CCDC85A: variants seen among roughly 807,000 people sequenced by gnomAD.
The protein encoded by CCDC85A is coiled-coil domain containing 85A.
Under a neutral mutation model 50.2 loss-of-function variants are expected in CCDC85A, and 38 were observed. The ratio of observed to expected loss-of-function variants is 0.76; its 90% CI spans 0.58 to 0.99. The LOEUF (loss-of-function observed/expected upper bound fraction) is 0.99, where lower values mean the gene tolerates loss of function less well. CCDC85A is among the 50% of genes least tolerant of loss of function. The probability of loss-of-function intolerance (pLI) is 0.00; values close to 1 mark genes in which losing one functional copy is unlikely to be tolerated. For synonymous variants in CCDC85A, 366 were observed against 301.4 expected (o/e 1.21, Z -2.22); for missense variants, 820 against 742.0 (o/e 1.11, Z -1.22).
rs1676808770 is a variant in CCDC85A at position 56,386,150 on chromosome 2, T to A, written c.*1795T>A. 1 of 152,278 alleles carries A rather than the reference T, an allele frequency of 6.6e-6. No individual in the cohort carries two copies. 9.4% of individuals were successfully genotyped at this position (152,278 alleles called of 1,614,324 possible). Reference sequence around the variant, plus strand: ...TAAGTATATGTGTTCATCTTAGCAATGGTAATAAATTATTTAATCTCACAG... The same window carrying A: ...TAAGTATATGTGTTCATCTTAGCAAAGGTAATAAATTATTTAATCTCACAG... On this transcript the variant is annotated 3_prime_UTR_variant, in exon 6 of 6. Coordinates refer to ENST00000407595, the MANE Select transcript of CCDC85A (RefSeq NM_001080433.2).
chr2:56,244,199 G>A (rs13429808), intron 2 of CCDC85A, among the ~76,000 whole-genome samples: 33,016 of 151,920 alleles, frequency 0.22, 3,678 homozygotes, highest in East Asian at 0.28. Context: ...AGAGATGTCT[G>A]GGAGTCAGGG....
At chr2:56,297,215 G>A (rs1671991480) in intron 2 of CCDC85A, among the ~76,000 whole-genome samples, 1 of 152,028 alleles carries the variant, frequency 6.6e-6, no homozygotes, top group Non-Finnish European at 1.5e-5. Context: ...AAATGAGAGG[G>A]AAGCCAAGAG....
At chr2:56,186,306 G>T (rs1024294626) in intron 1 of CCDC85A, among the ~76,000 whole-genome samples, 2 of 152,164 alleles carry the variant, frequency 1.3e-5, no homozygotes, top group African/African-American at 4.8e-5. Context: ...CTCAGAGGTG[G>T]GTTTGAATTC....
In CCDC85A at chr2:56,184,047, G is replaced by C. The variant is rs1675877233; in HGVS notation, c.-578G>C. 3.0e-6 allele frequency: 3 copies of C among 984,778 alleles called. No individual in the cohort carries two copies. The highest frequency in any genetic ancestry group is 2.4e-6 in the Non-Finnish European group (2 of 829,496). The allele number at this position is 984,778 out of a possible 1,614,324, so 61.0% of individuals were successfully genotyped here. Reference sequence around the variant, plus strand: ...TCCGGAGCAGCCTAGGAGCGGCCGCGGGCGCAGCGAAGGCGGCAGGAGGAG... The same window carrying C: ...TCCGGAGCAGCCTAGGAGCGGCCGCCGGCGCAGCGAAGGCGGCAGGAGGAG... On this transcript the variant is annotated 5_prime_UTR_variant, in exon 1 of 6. Coordinates refer to ENST00000407595, the MANE Select transcript of CCDC85A (RefSeq NM_001080433.2).
intron 5 of CCDC85A, among the ~76,000 whole-genome samples, chr2:56,380,503 T>C (rs1676531116): frequency 6.6e-6 from 1 of 151,338 alleles, no homozygotes. Context: ...GAGGCTGCAG[T>C]GAGCTATGAT....
intron 3 of CCDC85A, among the ~76,000 whole-genome samples, chr2:56,364,632 A>T (rs1675698054): frequency 6.6e-6 from 1 of 152,296 alleles, no homozygotes; most frequent in South Asian, 2.1e-4. Context: ...TGAAAGAGTT[A>T]GATCTATTAC....
chr2:56,364,334 A>T (rs372907663), intron 3 of CCDC85A, among the ~76,000 whole-genome samples: 1 of 151,718 alleles, frequency 6.6e-6, no homozygotes, highest in Non-Finnish European at 1.5e-5. Flanking sequence ...ATTTCGTTTT[A>T]TTTTTTCTGG....
intron 2 of CCDC85A, among the ~76,000 whole-genome samples, chr2:56,294,033 T>C (rs1671837800): frequency 6.6e-6 from 1 of 152,140 alleles, no homozygotes; most frequent in African/African-American, 2.4e-5. Flanking sequence ...CTATTTACAA[T>C]AGCAAAGACA....
chr2:56,248,989 G>A (rs189098006), intron 2 of CCDC85A, among the ~76,000 whole-genome samples: 131 of 152,374 alleles, frequency 8.6e-4, no homozygotes, highest in Non-Finnish European at 1.1e-3. Context: ...TCTAGAAAAG[G>A]TTAGGGCGGG....
rs1287670347 is a variant in CCDC85A at position 56,385,112 on chromosome 2, A to C, written c.*757A>C. 1 of 152,034 alleles carries C rather than the reference A, an allele frequency of 6.6e-6. No individual in the cohort carries two copies. Among genetic ancestry groups the C allele is most frequent in the Non-Finnish European group, 1.5e-5 (1 of 67,792 alleles). 9.4% of individuals were successfully genotyped at this position (152,034 alleles called of 1,614,324 possible). ...CACATCTTGGGGCATACCAACCTTCATATTCATTCAGTGTATCCATTGGTG... is the reference window on the plus strand; with the variant it reads ...CACATCTTGGGGCATACCAACCTTCCTATTCATTCAGTGTATCCATTGGTG... On this transcript the variant is annotated 3_prime_UTR_variant, in exon 6 of 6. Transcript: ENST00000407595.
intron 2 of CCDC85A, among the ~76,000 whole-genome samples, chr2:56,259,047 T>A (rs1670107828): frequency 6.6e-6 from 1 of 152,150 alleles, no homozygotes; most frequent in Non-Finnish European, 1.5e-5. Context: ...TGAGGTTGGA[T>A]GTCATATGGT....
chr2:56,287,341 A>G (rs375185452), intron 2 of CCDC85A, among the ~76,000 whole-genome samples: 10 of 152,326 alleles, frequency 6.6e-5, no homozygotes, highest in African/African-American at 2.4e-4. Context: ...GTTCAGGGAC[A>G]TAGTTCTCTA....
intron 2 of CCDC85A, among the ~76,000 whole-genome samples, chr2:56,272,011 G>A (rs1418725363): frequency 6.6e-6 from 1 of 152,154 alleles, no homozygotes; most frequent in Non-Finnish European, 1.5e-5. Flanking sequence ...AGTGAGGAGT[G>A]TTCATTTCCA....
At chr2:56,239,967 G>T (rs1233924292) in intron 2 of CCDC85A, among the ~76,000 whole-genome samples, 2 of 152,060 alleles carry the variant, frequency 1.3e-5, no homozygotes, top group East Asian at 3.9e-4. Context: ...ATACTTTAAA[G>T]ATCTGTGTAC....
At chr2:56,272,708 A>G (rs1293673857) in intron 2 of CCDC85A, among the ~76,000 whole-genome samples, 1 of 152,210 alleles carries the variant, frequency 6.6e-6, no homozygotes, top group Admixed American at 6.5e-5. Context: ...TGAGAAAGAA[A>G]GATTCTTGGA....
chr2:56,235,646 C>G (rs1668976410), intron 2 of CCDC85A, among the ~76,000 whole-genome samples: 1 of 152,114 alleles, frequency 6.6e-6, no homozygotes, highest in Admixed American at 6.6e-5. Context: ...TCATAATATT[C>G]AGTCTCCTGA....
intron 2 of CCDC85A, among the ~76,000 whole-genome samples, chr2:56,244,468 G>C (rs764998141): frequency 2.0e-5 from 3 of 151,700 alleles, no homozygotes; most frequent in Admixed American, 2.0e-4. Flanking sequence ...AGGGACTTAG[G>C]CTCCCTTCTG....
chr2:56,341,515 A>G (rs1253621407), intron 2 of CCDC85A, among the ~76,000 whole-genome samples: 6 of 152,084 alleles, frequency 3.9e-5, no homozygotes, highest in Non-Finnish European at 8.8e-5. Flanking sequence ...CACCTGAAAT[A>G]TTTTGTTGTT....
At chr2:56,298,528 A>T (rs1672056928) in intron 2 of CCDC85A, among the ~76,000 whole-genome samples, 1 of 152,204 alleles carries the variant, frequency 6.6e-6, no homozygotes, top group Non-Finnish European at 1.5e-5. Context: ...GAGTCAAGAA[A>T]TTCTTAAGAA....
Sources: gnomAD v4.1 joint callset for allele counts (sites outside exome capture counted in the v4.1 genomes callset) on GRCh38, gnomAD v4.1.1 for gene constraint, MANE v1.5 for transcripts, NCBI Gene and HGNC (gene_info 2026-07-23, HGNC 2026-07-21) for gene names.